SMCO2: variants seen among roughly 807,000 people sequenced by gnomAD.
The protein encoded by SMCO2 is single-pass membrane and coiled-coil domain-containing protein 2.
A neutral mutation model predicts 29.5 loss-of-function variants in SMCO2; 25 were observed. The observed-to-expected ratio is 0.85, with a 90% CI of 0.62 to 1.18. The LOEUF (loss-of-function observed/expected upper bound fraction) is 1.18, where lower values mean the gene tolerates loss of function less well. Among genes scored for constraint, SMCO2 ranks in the 50% most tolerant of loss-of-function variants. The probability of loss-of-function intolerance (pLI) is 0.00; values close to 1 mark genes in which losing one functional copy is unlikely to be tolerated. For synonymous variants in SMCO2, 117 were observed against 123.3 expected (o/e 0.95, Z 0.34); for missense variants, 348 against 344.5 (o/e 1.01, Z -0.08).
At chr12:27,423,771 G>GTCCTCA in the SMCO2 span, 1 of 152,118 alleles carries the variant, frequency 6.6e-6, no homozygotes, top group Non-Finnish European at 1.5e-5. Flanking sequence ...GTGCCTCAGC[G>GTCCTCA]TCCTCATTTT....
chr12:27,496,924 G>A (rs191041), intron 7 of SMCO2: 17,176 of 151,370 alleles, frequency 0.11, 2,819 homozygotes, highest in African/African-American at 0.3. Context: ...TATACAAGAT[G>A]CTCATAATGC....
intron 1 of SMCO2, among the ~76,000 whole-genome samples, chr12:27,468,101 C>T (rs1038779732): frequency 6.6e-6 from 1 of 152,128 alleles, no homozygotes; most frequent in African/African-American, 2.4e-5. Flanking sequence ...TAGCCCCATT[C>T]TGCAGAGGAA....
chr12:27,497,661 G>C (rs1369390168), intron 7 of SMCO2: 2 of 154,406 alleles, frequency 1.3e-5, no homozygotes, highest in African/African-American at 5.2e-5. Flanking sequence ...GCCCAGGGAA[G>C]TCGAGGTTGT....
chr12:27,494,260 A>G (rs1164340814), intron 5 of SMCO2, 40 bp from the exon 7 acceptor site: 2 of 1,296,960 alleles, frequency 1.5e-6, no homozygotes, highest in African/African-American at 3.1e-5. Flanking sequence ...CCAGAAAAAT[A>G]TAAGTTTCAT....
At chr12:27,450,703 A>AT in the SMCO2 span, among the ~76,000 whole-genome samples, 1 of 152,106 alleles carries the variant, frequency 6.6e-6, no homozygotes, top group Admixed American at 6.5e-5. Context: ...CTGTTCCTAG[A>AT]TTTTTTCTAA....
the SMCO2 span, among the ~76,000 whole-genome samples, chr12:27,458,000 A>G: frequency 6.0e-4 from 91 of 152,272 alleles, no homozygotes; most frequent in Admixed American, 1.2e-3. Flanking sequence ...AGCTTCCTCA[A>G]TGTCTCCATT....
the SMCO2 span, among the ~76,000 whole-genome samples, chr12:27,426,836 G>A: frequency 8.5e-5 from 13 of 152,268 alleles, no homozygotes; most frequent in African/African-American, 2.2e-4. Flanking sequence ...TTGGGAAGAC[G>A]TATATCTACA....
At chr12:27,499,698 A>G (rs1407310175) in intron 7 of SMCO2, among the ~76,000 whole-genome samples, 1 of 150,798 alleles carries the variant, frequency 6.6e-6, no homozygotes, top group Non-Finnish European at 1.5e-5. Context: ...TGAGTTGCTC[A>G]TCTTTTTCTC....
intron 3 of SMCO2, chr12:27,473,109 G>GA (rs1026753072): frequency 6.7e-5 from 28 of 417,496 alleles, no homozygotes; most frequent in Non-Finnish European, 8.2e-5. Flanking sequence ...GAACAAAAAA[G>GA]AAAAAAAAGT....
chr12:27,447,824 C>A, the SMCO2 span, among the ~76,000 whole-genome samples: 2 of 151,800 alleles, frequency 1.3e-5, no homozygotes, highest in African/African-American at 4.8e-5. Context: ...TTCACATTTA[C>A]AGTAAAATTT....
chr12:27,486,240 T>C (rs1194311190), intron 4 of SMCO2, among the ~76,000 whole-genome samples: 2 of 152,212 alleles, frequency 1.3e-5, no homozygotes, highest in Admixed American at 6.5e-5. Context: ...GCTTTTTCTC[T>C]GTGCAGCTCT....
upstream of SMCO2, among the ~76,000 whole-genome samples, chr12:27,465,028 CAAAA>C (rs35630976): frequency 1.7e-5 from 1 of 60,558 alleles, no homozygotes; most frequent in South Asian, 6.3e-4. Flanking sequence ...GACCCTGTCT[CAAAA>C]AAAAAAAAAA....
chr12:27,428,724 G>T, the SMCO2 span, among the ~76,000 whole-genome samples: 1 of 151,740 alleles, frequency 6.6e-6, no homozygotes, highest in Non-Finnish European at 1.5e-5. Flanking sequence ...CCTGGCTCCT[G>T]GCTGACTTTA....
the SMCO2 span, among the ~76,000 whole-genome samples, chr12:27,442,912 GTGCCTGGCCTC>G: frequency 6.6e-6 from 1 of 152,204 alleles, no homozygotes; most frequent in South Asian, 2.1e-4. Flanking sequence ...ATGAGCCACA[GTGCCTGGCCTC>G]TATCAAACAT....
chr12:27,479,351 C>T (rs1949620374), intron 4 of SMCO2, among the ~76,000 whole-genome samples: 2 of 151,788 alleles, frequency 1.3e-5, no homozygotes, highest in African/African-American at 2.4e-5. Flanking sequence ...GTGGACCTGT[C>T]ATCTGGCCCC....
At chr12:27,438,537 C>T in the SMCO2 span, among the ~76,000 whole-genome samples, 795 of 152,194 alleles carry the variant, frequency 5.2e-3, 6 homozygotes, top group African/African-American at 0.019. Flanking sequence ...TGAAGGGTAC[C>T]GATATTTGCC....
At position 27,495,573 on chromosome 12, in the gene SMCO2, T is replaced by C. The variant is rs1013657706; in HGVS notation, c.508-107T>C. The C allele has an allele frequency of 1.7e-5, 18 of 1,062,768 alleles. 2 individuals carry two copies. The African/African-American group carries it at 2.2e-4, about 13-fold the overall frequency. 65.8% of individuals were successfully genotyped at this position (1,062,768 alleles called of 1,614,324 possible). On this transcript the variant is annotated intron_variant, in intron 6 of 7. Coordinates refer to ENST00000298876, the Ensembl canonical transcript of SMCO2. ...CATGGGACCTATGTGTGATTTCTAA[T>C]GTGGGCCCCCAAGGTGATCCAGAGG... is the stretch of plus-strand genomic sequence containing the variant.
At chr12:27,431,034 T>C in the SMCO2 span, among the ~76,000 whole-genome samples, 1 of 152,122 alleles carries the variant, frequency 6.6e-6, no homozygotes, top group Non-Finnish European at 1.5e-5. Flanking sequence ...TATCTTTTTT[T>C]TTTTTAAGAC....
chr12:27,460,912 A>G, the SMCO2 span, among the ~76,000 whole-genome samples: 1 of 152,216 alleles, frequency 6.6e-6, no homozygotes, highest in African/African-American at 2.4e-5. Context: ...GGTTTCAGAA[A>G]GGAAGACACG....
Sources: gnomAD v4.1 joint callset for allele counts (sites outside exome capture counted in the v4.1 genomes callset) on GRCh38, gnomAD v4.1.1 for gene constraint, MANE v1.5 for transcripts, NCBI Gene and HGNC (gene_info 2026-07-23, HGNC 2026-07-21) for gene names.